The following KRT6A variants were observed in gnomAD, a reference collection of about 807,000 sequenced individuals.
KRT6A encodes the protein keratin 6A, also known as keratin, type II cytoskeletal 6A.
KRT6A carries 28 observed loss-of-function variants against 48.6 expected under a neutral mutation model. That is an observed-to-expected ratio of 0.58 (90% CI 0.43 to 0.79). The LOEUF (loss-of-function observed/expected upper bound fraction) is 0.79. Among genes scored for constraint, KRT6A ranks in the 30% least tolerant of loss-of-function variants. The pLI, the probability that KRT6A is intolerant of heterozygous loss-of-function variation, is 0.00. For synonymous variants in KRT6A, 301 were observed against 294.2 expected (o/e 1.02, Z -0.24); for missense variants, 687 against 724.3 (o/e 0.95, Z 0.59).
At position 52,487,700 on chromosome 12, in the gene KRT6A, C is replaced by A. The variant is rs1053748; in HGVS notation, c.*20G>T. On this transcript the variant is annotated 3_prime_UTR_variant, in exon 9 of 9. Coordinates refer to ENST00000330722, the MANE Select transcript of KRT6A (RefSeq NM_005554.4). ...GAGAGGGGCCTGAGGACTGTGGGACCGAGAGCTAGCAGACGCACTTTAGTG... is the reference window on the plus strand; with the variant it reads ...GAGAGGGGCCTGAGGACTGTGGGACAGAGAGCTAGCAGACGCACTTTAGTG... The A allele has an allele frequency of 1.2e-6, 2 of 1,614,102 alleles. No individual in the cohort carries two copies. The highest frequency in any genetic ancestry group is 1.7e-5 in the Admixed American group (1 of 60,016).
rs1185048188 is a variant in KRT6A at position 52,490,800 on chromosome 12, A to G, written c.912+58T>C. 7 of 1,613,900 alleles carry G rather than the reference A, an allele frequency of 4.3e-6. No individual in the cohort carries two copies. The East Asian group carries it at 1.3e-4, about 31-fold the overall frequency. On this transcript the variant is annotated intron_variant, in intron 4 of 8. Transcript: ENST00000330722. ...TTTACAGAGATACCCAACCCTATAC[A>G]TCTTCTCCCCTTTGCAGACCCCATC...
chr12:52,493,001 C>T lies in KRT6A; in HGVS notation c.188G>A (p.Gly63Asp). The T allele has an allele frequency of 1.9e-6, 3 of 1,611,618 alleles. No homozygotes were observed. The East Asian group carries it at 6.7e-5, about 36-fold the overall frequency. ...GGAGATCCTCTTGGAGCCCCCCAGG[C>T]CATACAGACTGCGGCTGCCAAAGCC... ...GAGFGSRSLYGLGGSKRISIG... is the reference protein window; with the variant it reads ...GAGFGSRSLYDLGGSKRISIG... The change falls in exon 1 of 9, where the codon GGC (glycine) becomes GAC (aspartate). Residue 63 changes from glycine to aspartate, a missense_variant. Around this residue, in one of 3 missense-constraint regions of KRT6A, gnomAD observed 49 missense variants for 97.3 expected, o/e 0.50. Coordinates refer to ENST00000330722, the MANE Select transcript of KRT6A (RefSeq NM_005554.4).
At chr12:52,491,786 A>T (rs753131663) in intron 1 of KRT6A, 50 bp from the exon 2 acceptor site, 4 of 1,610,892 alleles carry the variant, frequency 2.5e-6, no homozygotes, top group African/African-American at 1.3e-5. Context: ...AGGAAGAAAA[A>T]GTGTCTGGTA....
At position 52,488,310 on chromosome 12, in the gene KRT6A, T is replaced by G. The variant is rs12581781; in HGVS notation, c.1424+18A>C. The G allele has an allele frequency of 0.24, 390,752 of 1,613,648 alleles. 50,518 individuals are homozygous for G. Among genetic ancestry groups the G allele is most frequent in the African/African-American group, 0.45 (33,931 of 74,854 alleles). On this transcript the variant is annotated intron_variant, in intron 7 of 8. Coordinates refer to ENST00000330722, the MANE Select transcript of KRT6A (RefSeq NM_005554.4). The stretch of plus-strand genomic sequence containing the variant: ...AAGATGGACTCAGCTGTTGAAGGAG[T>G]TCGTGTCAGTTACCCACCTGCACTC...
At chr12:52,491,091 C>A in intron 3 of KRT6A, 21 bp downstream of exon 3, 1 of 1,613,280 alleles carries the variant, frequency 6.2e-7, no homozygotes, top group Non-Finnish European at 8.5e-7. Context: ...TGAATTTGAA[C>A]CCCCGGCTTC....
rs1001710787 is a variant in KRT6A at position 52,491,176 on chromosome 12, C to T, written c.756-4G>A. The T allele has an allele frequency of 2.5e-6, 4 of 1,613,830 alleles. No individual in the cohort carries two copies. Among genetic ancestry groups the T allele is most frequent in the South Asian group, 1.1e-5 (1 of 91,058 alleles). ...CTTGTTGATTTCATCCTCATATCTA[C>T]AGGAAGAAAGGCATGGGACACATTT... On this transcript the variant is annotated splice_polypyrimidine_tract_variant and splice_region_variant and intron_variant, in intron 2 of 8. Coordinates refer to ENST00000330722, the MANE Select transcript of KRT6A (RefSeq NM_005554.4).
At position 52,493,212 on chromosome 12, in the gene KRT6A, A is replaced by T. The variant is rs1002566070; in HGVS notation, c.-24T>A. On this transcript the variant is annotated 5_prime_UTR_variant, in exon 1 of 9. Coordinates refer to ENST00000330722, the MANE Select transcript of KRT6A (RefSeq NM_005554.4). ...ATGGTTCCAGGAGATGAGAGAGCTG[A>T]GGAGAGTGTGAGAGGCTGGAGGAGA... 4 of 1,613,978 alleles carry T rather than the reference A, an allele frequency of 2.5e-6. No homozygotes were observed. In the African/African-American group the frequency reaches 5.3e-5, roughly 22 times the overall value.
chr12:52,488,561 A>G lies in KRT6A; in HGVS notation c.1204-13T>C. 6.2e-7 allele frequency: 1 copy of G among 1,614,214 alleles called. No individual in the cohort carries two copies. Among genetic ancestry groups the G allele is most frequent in the South Asian group, 1.1e-5 (1 of 91,088 alleles). On this transcript the variant is annotated splice_polypyrimidine_tract_variant and intron_variant, in intron 6 of 8. Transcript: ENST00000330722. ...GCAGGTTGGCGCACTGGAAGAGGAA[A>G]GGAATAGAAGAAACTTGTCATCCGG...
At chr12:52,491,345 C>T (rs977217152) in intron 2 of KRT6A, among the ~76,000 whole-genome samples, 173 bp from the exon 3 acceptor site, 1 of 152,076 alleles carries the variant, frequency 6.6e-6, no homozygotes, top group African/African-American at 2.4e-5. Flanking sequence ...CTTTAATCTC[C>T]CCATCCTCCC....
In KRT6A at chr12:52,491,643, G is replaced by T. The variant is rs1938268246; in HGVS notation, c.634C>A (p.Pro212Thr). ...GTKTVRQNLEPLFEQYINNLR... is the reference protein window; with the variant it reads ...GTKTVRQNLETLFEQYINNLR... ...TTGTTGATGTACTGCTCGAACAACGGCTCCAGGTTCTGCCTCACAGTCTTG... is the reference window on the plus strand; with the variant it reads ...TTGTTGATGTACTGCTCGAACAACGTCTCCAGGTTCTGCCTCACAGTCTTG... Residue 212 changes from proline (P) to threonine (T), a missense_variant, in exon 2 of 9, where the codon CCG becomes ACG. This residue lies in a region of KRT6A where 566 missense variants were observed against 565.3 expected (regional missense o/e 1.00). Transcript: ENST00000330722. The T allele has an allele frequency of 6.2e-7, 1 of 1,614,204 alleles. No homozygotes were observed. The highest frequency in any genetic ancestry group is 8.5e-7 in the Non-Finnish European group (1 of 1,180,038).
chr12:52,489,234 C>T (rs1433029199), intron 6 of KRT6A, among the ~76,000 whole-genome samples: 21 of 152,050 alleles, frequency 1.4e-4, no homozygotes, highest in Admixed American at 1.4e-3. Context: ...AAATGCAGCC[C>T]AACACAAATT....
At chr12:52,488,578 G>T (rs376276582) in intron 6 of KRT6A, 30 bp from the exon 7 acceptor site, 2 of 1,613,140 alleles carry the variant, frequency 1.2e-6, no homozygotes, top group African/African-American at 1.3e-5. Context: ...GAAGAAACTT[G>T]TCATCCGGTC....
At position 52,490,559 on chromosome 12, in the gene KRT6A, C is replaced by T. The variant is rs760136085; in HGVS notation, c.1077+10G>A. 2 of 1,614,214 alleles carry T rather than the reference C, an allele frequency of 1.2e-6. No homozygotes were observed. The highest frequency in any genetic ancestry group is 8.5e-7 in the Non-Finnish European group (1 of 1,180,048). On this transcript the variant is annotated intron_variant, in intron 5 of 8. Coordinates refer to ENST00000330722, the MANE Select transcript of KRT6A (RefSeq NM_005554.4). The stretch of plus-strand genomic sequence containing the variant: ...AGGGATTCCTCAGCGGCTGCCCACT[C>T]CCTGCTCACCTTGGTCTGGTACCAG...
chr12:52,489,389 C>T (rs765027338), intron 6 of KRT6A, among the ~76,000 whole-genome samples: 1 of 152,166 alleles, frequency 6.6e-6, no homozygotes, highest in Non-Finnish European at 1.5e-5. Flanking sequence ...AGCGATTCTC[C>T]TGCTTCAGTC....
chr12:52,491,122 G>A lies in KRT6A; in HGVS notation c.806C>T (p.Thr269Ile), dbSNP rs752783156. 6 of 1,613,800 alleles carry A rather than the reference G, an allele frequency of 3.7e-6. No individual in the cohort carries two copies. Among genetic ancestry groups the A allele is most frequent in the Non-Finnish European group, 5.1e-6 (6 of 1,179,866 alleles). Residue 269 changes from threonine (T) to isoleucine (I), a missense_variant, in exon 3 of 9, where the codon ACT becomes ATT. Physicochemically the swap from Thr to Ile is moderately conservative, Grantham distance 89 (BLOSUM62 -1). This residue lies in a region of KRT6A where 566 missense variants were observed against 565.3 expected (regional missense o/e 1.00). Coordinates refer to ENST00000330722, the MANE Select transcript of KRT6A (RefSeq NM_005554.4). Reference protein sequence around the residue: ...KRTAAENEFVTLKKDVDAAYM... With the variant: ...KRTAAENEFVILKKDVDAAYM... ...GCTTCATCTGCTCACCTTCTTCAGA[G>A]TCACAAATTCATTCTCTGCTGCTGT...
intron 5 of KRT6A, 29 bp from the exon 6 acceptor site, chr12:52,490,097 G>T (rs767206655): frequency 1.2e-6 from 2 of 1,613,848 alleles, no homozygotes; most frequent in South Asian, 2.2e-5. Context: ...GAGAGAGACA[G>T]TGTCTACGGG....
Position 52,487,841 on chromosome 12 carries a change from C to A in KRT6A, c.1574G>T (p.Gly525Val), listed in dbSNP as rs1592183761. Reference protein sequence around the residue: ...YSYGSGLGVGGGFSSSSGRAI... With the variant: ...YSYGSGLGVGVGFSSSSGRAI... The stretch of plus-strand genomic sequence containing the variant: ...TCTGCCACTGCTGGAACTGAAGCCA[C>A]CTCCAACGCCAAGACCACTGCCATA... The change falls in exon 9 of 9, where the codon GGT becomes GTT. Residue 525 changes from glycine (G) to valine (V), a missense_variant. Physicochemically the swap from Gly to Val is moderately radical, Grantham distance 109. Coordinates refer to ENST00000330722, the MANE Select transcript of KRT6A (RefSeq NM_005554.4). 6.2e-7 allele frequency: 1 copy of A among 1,614,064 alleles called. No homozygotes were observed. The highest frequency in any genetic ancestry group is 8.5e-7 in the Non-Finnish European group (1 of 1,179,920).
intron 6 of KRT6A, among the ~76,000 whole-genome samples, chr12:52,488,914 C>T (rs1440175563): frequency 6.6e-6 from 1 of 152,164 alleles, no homozygotes; most frequent in Non-Finnish European, 1.5e-5. Context: ...CTAACATACA[C>T]AAAATTAAGA....
In KRT6A at chr12:52,491,646, C is replaced by T. The variant is rs575695802; in HGVS notation, c.631G>A (p.Glu211Lys). 3 of 1,614,194 alleles carry T rather than the reference C, an allele frequency of 1.9e-6. No individual in the cohort carries two copies. The East Asian group carries it at 6.7e-5, about 36-fold the overall frequency. Residue 211 changes from glutamate to lysine, a missense_variant, in exon 2 of 9, where the codon GAG (glutamate) becomes AAG (lysine). This residue lies in a region of KRT6A where 566 missense variants were observed against 565.3 expected (regional missense o/e 1.00). Transcript: ENST00000330722. ...QGTKTVRQNL[E>K]PLFEQYINNL... is the part of the protein sequence containing the mutation. ...TTGATGTACTGCTCGAACAACGGCT[C>T]CAGGTTCTGCCTCACAGTCTTGGTG...
Sources: gnomAD v4.1 joint callset for allele counts (sites outside exome capture counted in the v4.1 genomes callset) on GRCh38, gnomAD v4.1.1 for gene constraint, gnomAD v4.1.1 regional missense constraint, MANE v1.5 for transcripts, NCBI Gene and HGNC (gene_info 2026-07-23, HGNC 2026-07-21) for gene names.